PSPC1: variants seen among roughly 807,000 people sequenced by gnomAD.
PSPC1 encodes the protein paraspeckle protein 1.
A neutral mutation model predicts 51.6 loss-of-function variants in PSPC1; 14 were observed. The ratio of observed to expected loss-of-function variants is 0.27; its 90% CI spans 0.18 to 0.42. The LOEUF (loss-of-function observed/expected upper bound fraction) is 0.42. Ranked by LOEUF, PSPC1 falls within the 10% of genes least tolerant of loss-of-function variation. PSPC1 has a pLI of 1.00. For missense variants in PSPC1, 406 were observed against 701.1 expected (o/e 0.58, Z 4.75); for synonymous variants, 193 against 231.9 (o/e 0.83, Z 1.53).
At chr13:19,760,207 T>A (rs1429467822) in intron 2 of PSPC1, among the ~76,000 whole-genome samples, 1 of 152,124 alleles carries the variant, frequency 6.6e-6, no homozygotes, top group Non-Finnish European at 1.5e-5. Flanking sequence ...TTTCCCTGTA[T>A]CTATCAGTAT....
chr13:19,754,840 C>T (rs1202938492), intron 3 of PSPC1, among the ~76,000 whole-genome samples: 3 of 152,186 alleles, frequency 2.0e-5, no homozygotes, highest in Non-Finnish European at 2.9e-5. Context: ...AGTTCTCTAA[C>T]TCCCAAATCC....
At position 19,755,066 on chromosome 13, in the gene PSPC1, T is replaced by C. The variant is rs1280881131; in HGVS notation, c.771-3599A>G. ...TGAGCAACATGACAAAACTCTGTCT[T>C]TACAAAATAATTAAAAAATGAGACG... On this transcript the variant is annotated intron_variant, in intron 3 of 8. Coordinates refer to ENST00000338910, the MANE Select transcript of PSPC1 (RefSeq NM_001354909.2). Among the ~76,000 whole-genome samples the C allele has an allele frequency of 2.6e-5, 4 of 151,486 alleles. No individual in the cohort carries two copies. The East Asian group carries it at 7.8e-4, about 30-fold the overall frequency.
intron 3 of PSPC1, among the ~76,000 whole-genome samples, chr13:19,757,202 C>T (rs1228236840): frequency 6.6e-6 from 1 of 151,696 alleles, no homozygotes; most frequent in Non-Finnish European, 1.5e-5. Context: ...GGACCTTGAA[C>T]TTTGGGTTCA....
At chr13:19,726,617 C>T (rs1883383859) in intron 6 of PSPC1, among the ~76,000 whole-genome samples, 1 of 152,130 alleles carries the variant, frequency 6.6e-6, no homozygotes, top group Non-Finnish European at 1.5e-5. Context: ...TGGAAAAACA[C>T]TGTTCTGCTG....
At chr13:19,742,720 C>T (rs2046665454) in intron 4 of PSPC1, among the ~76,000 whole-genome samples, 1 of 152,126 alleles carries the variant, frequency 6.6e-6, no homozygotes, top group South Asian at 2.1e-4. Flanking sequence ...GCCTGGGTTG[C>T]ACAGCAGAAC....
intron 6 of PSPC1, among the ~76,000 whole-genome samples, chr13:19,722,463 G>A (rs1053876388): frequency 4.0e-5 from 6 of 151,662 alleles, no homozygotes; most frequent in African/African-American, 1.5e-4. Flanking sequence ...TCGTGCCACT[G>A]AACTCCAGTC....
At chr13:19,771,894 C>T (rs970884459) in intron 2 of PSPC1, among the ~76,000 whole-genome samples, 12 of 152,172 alleles carry the variant, frequency 7.9e-5, no homozygotes, top group African/African-American at 2.9e-4. Flanking sequence ...GCTTGAGCCA[C>T]TGCACCCCTG....
At chr13:19,739,699 C>T (rs1885222026) in intron 5 of PSPC1, among the ~76,000 whole-genome samples, 1 of 151,892 alleles carries the variant, frequency 6.6e-6, no homozygotes, top group South Asian at 2.1e-4. Flanking sequence ...GCCAAGATCG[C>T]ACCATTGCAT....
At chr13:19,713,182 ATT>A (rs1266788914) in intron 6 of PSPC1, among the ~76,000 whole-genome samples, 1 of 152,190 alleles carries the variant, frequency 6.6e-6, no homozygotes, top group Admixed American at 6.5e-5. Context: ...TATACGTGAT[ATT>A]TTTACAAATT....
chr13:19,735,030 G>T (rs1348226949), intron 5 of PSPC1, among the ~76,000 whole-genome samples: 2 of 151,960 alleles, frequency 1.3e-5, no homozygotes, highest in African/African-American at 4.8e-5. Flanking sequence ...AAGGAAGTGG[G>T]GCCGGGTGCG....
chr13:19,750,773 T>G (rs971717305), intron 4 of PSPC1, among the ~76,000 whole-genome samples: 1 of 61,856 alleles, frequency 1.6e-5, no homozygotes, highest in African/African-American at 5.0e-5. Flanking sequence ...AAAACTAACT[T>G]TTTAATTTTT....
intron 5 of PSPC1, among the ~76,000 whole-genome samples, chr13:19,734,059 TACC>T (rs977271963): frequency 6.6e-6 from 1 of 152,152 alleles, no homozygotes; most frequent in Non-Finnish European, 1.5e-5. Flanking sequence ...CTTACGATTA[TACC>T]ACACAGAAGA....
At chr13:19,678,011 C>T in intron 6 of PSPC1, 1 of 323,566 alleles carries the variant, frequency 3.1e-6, no homozygotes, top group South Asian at 2.5e-5. Flanking sequence ...CTCTCCATTT[C>T]CTCAAAGAAC....
chr13:19,763,876 G>A (rs368245434), intron 2 of PSPC1, among the ~76,000 whole-genome samples: 15 of 152,154 alleles, frequency 9.9e-5, no homozygotes, highest in African/African-American at 2.6e-4. Context: ...GCCGGGCAGC[G>A]GCTGTGGTCC....
intron 2 of PSPC1, among the ~76,000 whole-genome samples, chr13:19,761,529 A>G (rs1051896972): frequency 2.6e-5 from 4 of 152,190 alleles, no homozygotes; most frequent in African/African-American, 9.7e-5. Flanking sequence ...AATACCAGAG[A>G]TTAACACAGA....
chr13:19,733,143 A>T (rs1420118524), intron 5 of PSPC1, among the ~76,000 whole-genome samples: 4 of 152,208 alleles, frequency 2.6e-5, no homozygotes, highest in Non-Finnish European at 5.9e-5. Context: ...GGCATTATTT[A>T]TAAAAGCAAA....
chr13:19,717,550 C>CA (rs1272376662), intron 6 of PSPC1, among the ~76,000 whole-genome samples: 7 of 150,778 alleles, frequency 4.6e-5, no homozygotes, highest in Non-Finnish European at 7.4e-5. Context: ...ATTAAAAACA[C>CA]AAAAAATCAG....
At chr13:19,671,418 G>C, downstream of PSPC1, 1 of 708,648 alleles carries the variant, frequency 1.4e-6, no homozygotes, top group South Asian at 1.7e-5. Flanking sequence ...CCCTGGGGTA[G>C]TGATGCTAGG....
chr13:19,716,619 G>A (rs755194023), intron 6 of PSPC1, among the ~76,000 whole-genome samples: 4 of 151,940 alleles, frequency 2.6e-5, no homozygotes, highest in South Asian at 2.1e-4. Context: ...CTCAAAAAAC[G>A]AAAATGCTAA....
Sources: allele counts gnomAD v4.1 joint callset (sites outside exome capture counted in the v4.1 genomes callset), GRCh38; gene constraint gnomAD v4.1.1; transcripts MANE v1.5; gene names NCBI Gene and HGNC (gene_info 2026-07-23, HGNC 2026-07-21).